Variants in LRRC4C observed in about 807,000 individuals in gnomAD.
LRRC4C encodes leucine-rich repeat-containing protein 4C.
In LRRC4C, 5 loss-of-function variants were observed where a neutral mutation model predicts 33.6. The ratio of observed to expected loss-of-function variants is 0.15; its 90% confidence interval spans 0.08 to 0.31. LRRC4C has a LOEUF of 0.31. Ranked by LOEUF, LRRC4C falls within the 10% of genes least tolerant of loss-of-function variation. The probability of loss-of-function intolerance (pLI) is 1.00; values close to 1 mark genes in which losing one functional copy is unlikely to be tolerated. For synonymous variants in LRRC4C, 329 were observed against 302.0 expected (o/e 1.09, Z -0.93); for missense variants, 560 against 796.7 (o/e 0.70, Z 3.58).
At chr11:40,987,661 T>TC (rs1853141604) in intron 1 of LRRC4C, among the ~76,000 whole-genome samples, 1 of 37,146 alleles carries the variant, frequency 2.7e-5, no homozygotes, top group African/African-American at 1.0e-4. Context: ...ATCTCATATA[T>TC]ATGAGATATA....
At chr11:40,966,151 A>G in intron 1 of LRRC4C, among the ~76,000 whole-genome samples, 1 of 152,026 alleles carries the variant, frequency 6.6e-6, no homozygotes, top group Non-Finnish European at 1.5e-5. Flanking sequence ...GATGATCAAG[A>G]GTAGACGTAA....
intron 3 of LRRC4C, among the ~76,000 whole-genome samples, chr11:40,594,933 G>A (rs2135761724): frequency 6.6e-6 from 1 of 152,170 alleles, no homozygotes; most frequent in East Asian, 1.9e-4. Context: ...CACGCCATAT[G>A]TACACAGATA....
At chr11:40,294,442 T>C (rs1487951770) in intron 4 of LRRC4C, among the ~76,000 whole-genome samples, 1 of 152,014 alleles carries the variant, frequency 6.6e-6, no homozygotes. Flanking sequence ...AGATTCAAAA[T>C]TATCACCAAA....
intron 2 of LRRC4C, among the ~76,000 whole-genome samples, chr11:40,741,072 C>G (rs187517965): frequency 1.3e-5 from 2 of 151,908 alleles, no homozygotes; most frequent in Non-Finnish European, 2.9e-5. Flanking sequence ...TATTATTCAA[C>G]AAACATTTAA....
At chr11:40,844,807 C>T (rs540229962) in intron 2 of LRRC4C, among the ~76,000 whole-genome samples, 3 of 152,176 alleles carry the variant, frequency 2.0e-5, no homozygotes, top group Admixed American at 6.6e-5. Context: ...AACAATGCAT[C>T]GCATACTTGA....
At chr11:40,456,728 T>G (rs1199335470) in intron 3 of LRRC4C, among the ~76,000 whole-genome samples, 1 of 151,902 alleles carries the variant, frequency 6.6e-6, no homozygotes, top group Non-Finnish European at 1.5e-5. Flanking sequence ...TAAAGAAAGC[T>G]TGGTATTGTA....
chr11:40,623,674 G>C (rs554242398), intron 3 of LRRC4C, among the ~76,000 whole-genome samples: 1 of 152,186 alleles, frequency 6.6e-6, no homozygotes, highest in South Asian at 2.1e-4. Flanking sequence ...GTGCCAACTT[G>C]TTCCAACAAT....
chr11:40,923,191 G>A (rs149869207), intron 2 of LRRC4C, among the ~76,000 whole-genome samples: 198 of 152,168 alleles, frequency 1.3e-3, no homozygotes, highest in Non-Finnish European at 2.4e-3. Context: ...TAAACAAAAG[G>A]TCATTGAAAA....
At chr11:40,593,963 C>T (rs1959167201) in intron 3 of LRRC4C, among the ~76,000 whole-genome samples, 2 of 152,216 alleles carry the variant, frequency 1.3e-5, no homozygotes, top group South Asian at 4.1e-4. Flanking sequence ...ATATTCTTTC[C>T]AGTTATGTAA....
intron 1 of LRRC4C, among the ~76,000 whole-genome samples, chr11:41,190,561 G>A (rs1164615328): frequency 6.6e-6 from 1 of 152,092 alleles, no homozygotes; most frequent in Non-Finnish European, 1.5e-5. Context: ...CATTTATCAC[G>A]GTCAGAGAAC....
intron 1 of LRRC4C, among the ~76,000 whole-genome samples, chr11:40,945,835 CTT>C (rs796486645): frequency 1.3e-5 from 2 of 152,294 alleles, no homozygotes; most frequent in African/African-American, 4.8e-5. Flanking sequence ...TCTCAGGAAA[CTT>C]TGTGTGGTTC....
chr11:40,177,175 G>C (rs1292726426), intron 5 of LRRC4C, among the ~76,000 whole-genome samples: 1 of 151,704 alleles, frequency 6.6e-6, no homozygotes, highest in African/African-American at 2.4e-5. Context: ...GGATGGTCTT[G>C]ATCTCCTGAC....
intron 1 of LRRC4C, among the ~76,000 whole-genome samples, chr11:41,233,095 T>C (rs773768389): frequency 6.6e-6 from 1 of 152,062 alleles, no homozygotes; most frequent in Non-Finnish European, 1.5e-5. Flanking sequence ...AGACATTTAC[T>C]TGATAAATGT....
intron 2 of LRRC4C, among the ~76,000 whole-genome samples, chr11:40,686,743 T>C (rs774571905): frequency 1.8e-4 from 28 of 152,124 alleles, no homozygotes; most frequent in Non-Finnish European, 1.8e-4. Context: ...TATTAAGAGT[T>C]TGAGAAAAAT....
chr11:40,846,377 A>G (rs1005584024), intron 2 of LRRC4C, among the ~76,000 whole-genome samples: 6 of 152,148 alleles, frequency 3.9e-5, no homozygotes, highest in Non-Finnish European at 7.3e-5. Context: ...GAAGGGGTCC[A>G]GTTTCAGTTT....
intron 3 of LRRC4C, among the ~76,000 whole-genome samples, chr11:40,334,063 T>C (rs60658451): frequency 0.014 from 2,100 of 152,288 alleles, 41 homozygotes; most frequent in African/African-American, 0.048. Flanking sequence ...CCTTAGTGGA[T>C]ACAATTCTGG....
At chr11:40,991,213 A>T (rs1853535773) in intron 1 of LRRC4C, among the ~76,000 whole-genome samples, 1 of 151,688 alleles carries the variant, frequency 6.6e-6, no homozygotes, top group Non-Finnish European at 1.5e-5. Context: ...GTAAAAAAAA[A>T]AAAAAAAAAA....
chr11:40,127,281 A>G (rs995623521), intron 6 of LRRC4C, among the ~76,000 whole-genome samples: 30 of 151,442 alleles, frequency 2.0e-4, no homozygotes, highest in Non-Finnish European at 3.8e-4. Flanking sequence ...TCTCAAAAAA[A>G]GCAAAAAAAA....
intron 1 of LRRC4C, among the ~76,000 whole-genome samples, chr11:41,366,100 G>A (rs1952525454): frequency 6.6e-6 from 1 of 151,866 alleles, no homozygotes; most frequent in Non-Finnish European, 1.5e-5. Flanking sequence ...AAACTAGCTG[G>A]TAGAAATATT....
Sources: allele counts gnomAD v4.1 joint callset (sites outside exome capture counted in the v4.1 genomes callset), GRCh38; gene constraint gnomAD v4.1.1; transcripts MANE v1.5; gene names NCBI Gene and HGNC (gene_info 2026-07-23, HGNC 2026-07-21).